Variants in RALGPS2 observed in about 807,000 individuals in gnomAD.
RALGPS2 encodes the protein ras-specific guanine nucleotide-releasing factor RalGPS2.
In RALGPS2, 43 loss-of-function variants were observed where a neutral mutation model predicts 86.8. The ratio of observed to expected loss-of-function variants is 0.50; its 90% CI spans 0.39 to 0.64. RALGPS2 has a LOEUF of 0.64. Among genes scored for constraint, RALGPS2 ranks in the 30% least tolerant of loss-of-function variants. The pLI is 0.00. For synonymous variants in RALGPS2, 243 were observed against 231.3 expected (o/e 1.05, Z -0.46); for missense variants, 536 against 694.6 (o/e 0.77, Z 2.57).
At chr1:178,733,351 T>G (rs149675664) in intron 1 of RALGPS2, among the ~76,000 whole-genome samples, 243 of 152,334 alleles carry the variant, frequency 1.6e-3, no homozygotes, top group African/African-American at 5.4e-3. Context: ...AGAGTATATT[T>G]AAAAGTATGC....
chr1:178,767,322 GATA>G (rs1652552465), intron 1 of RALGPS2, among the ~76,000 whole-genome samples: 1 of 135,448 alleles, frequency 7.4e-6, no homozygotes, highest in African/African-American at 2.8e-5. Flanking sequence ...CATGTGGGCT[GATA>G]TTTCTTCAGT....
At chr1:178,877,718 A>C in intron 9 of RALGPS2, 83 bp downstream of exon 9, 1 of 1,499,518 alleles carries the variant, frequency 6.7e-7, no homozygotes, top group Non-Finnish European at 9.2e-7. Context: ...ATCACTTTTC[A>C]CACAGCAGGG....
In RALGPS2 at chr1:178,867,083, A is replaced by G. The variant is rs936906935; in HGVS notation, c.608-10415A>G. ...ACCCTAAGACAGAGCTTTTCTGTCC[A>G]AATTTCCACATAAGTACCTGTTTCT... On this transcript the variant is annotated intron_variant, in intron 8 of 19. Transcript: ENST00000367635. Among the ~76,000 whole-genome samples the G allele has an allele frequency of 2.6e-5, 4 of 152,258 alleles. No individual in the cohort carries two copies. The South Asian group carries it at 6.2e-4, about 24-fold the overall frequency.
At position 178,920,916 on chromosome 1, in the gene RALGPS2, T is replaced by A. The variant is rs1647276007; in HGVS notation, c.*4557T>A. 6.6e-6 allele frequency: 1 copy of A among 152,074 alleles called. No homozygotes were observed. The highest frequency in any genetic ancestry group is 6.6e-5 in the Admixed American group (1 of 15,252). 9.4% of individuals were successfully genotyped at this position (152,074 alleles called of 1,614,324 possible). On this transcript the variant is annotated 3_prime_UTR_variant, in exon 20 of 20. Coordinates refer to ENST00000367635, the MANE Select transcript of RALGPS2 (RefSeq NM_152663.5). ...AGTCACTTAACCTGCCAGTTATTAT[T>A]TTCTTGAAAATATACAAGAAAGTAA...
intron 8 of RALGPS2, chr1:178,851,159 T>C (rs749957701): frequency 6.2e-7 from 1 of 1,613,672 alleles, no homozygotes; most frequent in Non-Finnish European, 8.5e-7. Context: ...TCATCTGAAC[T>C]GCTCTTAAGG....
At chr1:178,798,790 C>A (rs1654324834) in intron 4 of RALGPS2, among the ~76,000 whole-genome samples, 1 of 152,040 alleles carries the variant, frequency 6.6e-6, no homozygotes, top group African/African-American at 2.4e-5. Flanking sequence ...AAAGTATACC[C>A]ATAGCCTCAA....
chr1:178,873,055 C>T (rs952081553), intron 8 of RALGPS2, among the ~76,000 whole-genome samples: 20 of 151,922 alleles, frequency 1.3e-4, no homozygotes, highest in African/African-American at 2.7e-4. Context: ...GGGGAAGATA[C>T]GAAAGTTCAA....
chr1:178,840,669 G>A (rs943336865), intron 8 of RALGPS2, among the ~76,000 whole-genome samples: 1 of 152,038 alleles, frequency 6.6e-6, no homozygotes, highest in Non-Finnish European at 1.5e-5. Context: ...GAAGGAGATA[G>A]AGACACAAAA....
chr1:178,901,364 G>A (rs1388301208), intron 17 of RALGPS2, among the ~76,000 whole-genome samples: 1 of 151,874 alleles, frequency 6.6e-6, no homozygotes, highest in Non-Finnish European at 1.5e-5. Flanking sequence ...TTTTTCTTTA[G>A]TGTTTTACCA....
chr1:178,867,002 T>G (rs1269945751), intron 8 of RALGPS2, among the ~76,000 whole-genome samples: 1 of 152,048 alleles, frequency 6.6e-6, no homozygotes, highest in East Asian at 1.9e-4. Flanking sequence ...ACAGGCCACC[T>G]TTTCACTCTT....
At chr1:178,848,798 T>C (rs1003428516) in intron 8 of RALGPS2, among the ~76,000 whole-genome samples, 2 of 152,098 alleles carry the variant, frequency 1.3e-5, no homozygotes, top group Non-Finnish European at 2.9e-5. Context: ...TCTGGCTAAT[T>C]TTTGTGTTTT....
At chr1:178,853,482 A>G in intron 8 of RALGPS2, 3 of 941,178 alleles carry the variant, frequency 3.2e-6, no homozygotes, top group African/African-American at 1.7e-5. Context: ...GAAAAAACAT[A>G]TGGATAGTTA....
intron 8 of RALGPS2, among the ~76,000 whole-genome samples, chr1:178,868,824 A>T (rs1414559139): frequency 1.3e-5 from 2 of 151,472 alleles, no homozygotes; most frequent in Admixed American, 6.6e-5. Flanking sequence ...AATAAATATA[A>T]TTTTTTTTTA....
At chr1:178,780,535 A>T (rs1490964855) in intron 2 of RALGPS2, among the ~76,000 whole-genome samples, 6 of 152,172 alleles carry the variant, frequency 3.9e-5, no homozygotes. Flanking sequence ...TTAAATGCCC[A>T]CTGAGCCTTT....
At chr1:178,770,267 A>C (rs1652726692) in intron 1 of RALGPS2, among the ~76,000 whole-genome samples, 1 of 150,892 alleles carries the variant, frequency 6.6e-6, no homozygotes, top group South Asian at 2.1e-4. Context: ...GAAGCAATCC[A>C]CCCACCTCGG....
chr1:178,902,619 T>G (rs1660224239), intron 18 of RALGPS2, among the ~76,000 whole-genome samples: 1 of 152,104 alleles, frequency 6.6e-6, no homozygotes, highest in Non-Finnish European at 1.5e-5. Flanking sequence ...TACCTTGAAA[T>G]GGATTGTTAT....
At position 178,805,284 on chromosome 1, in the gene RALGPS2, T is replaced by A. The variant is rs1412783250; in HGVS notation, c.214-2761T>A. Among the ~76,000 whole-genome samples, 4 of 150,216 alleles carry A rather than the reference T, an allele frequency of 2.7e-5. No individual in the cohort carries two copies. In the East Asian group the frequency reaches 7.8e-4, roughly 29 times the overall value. On this transcript the variant is annotated intron_variant, in intron 4 of 19. Transcript: ENST00000367635. Reference sequence around the variant, plus strand: ...GTGTGCAGAAGCTCTTTAGTTTAATTAGATCCCATTTGTCAATTTTGGCTT... The same window carrying A: ...GTGTGCAGAAGCTCTTTAGTTTAATAAGATCCCATTTGTCAATTTTGGCTT...
chr1:178,797,713 T>C (rs1654263704), intron 4 of RALGPS2, among the ~76,000 whole-genome samples: 1 of 152,170 alleles, frequency 6.6e-6, no homozygotes, highest in Non-Finnish European at 1.5e-5. Flanking sequence ...TACGTGTCTG[T>C]ATAAATCTGT....
chr1:178,858,737 A>G (rs945430705), intron 8 of RALGPS2, among the ~76,000 whole-genome samples: 13 of 152,230 alleles, frequency 8.5e-5, no homozygotes, highest in Admixed American at 7.8e-4. Context: ...AGGTGTATTT[A>G]TTAAGAACCC....
Sources: gnomAD v4.1 joint callset for allele counts (sites outside exome capture counted in the v4.1 genomes callset) on GRCh38, gnomAD v4.1.1 for gene constraint, MANE v1.5 for transcripts, NCBI Gene and HGNC (gene_info 2026-07-23, HGNC 2026-07-21) for gene names.